PTPN13: variants seen among roughly 807,000 people sequenced by gnomAD.
PTPN13 encodes tyrosine-protein phosphatase non-receptor type 13.
A neutral mutation model predicts 284.0 loss-of-function variants in PTPN13; 191 were observed. The ratio of observed to expected loss-of-function variants is 0.67; its 90% CI spans 0.60 to 0.76. The LOEUF (loss-of-function observed/expected upper bound fraction) is 0.76, where lower values mean the gene tolerates loss of function less well. Among genes scored for constraint, PTPN13 ranks in the 30% least tolerant of loss-of-function variants. The pLI is 0.00. For missense variants in PTPN13, 2,797 were observed against 2,939.9 expected, an observed-to-expected ratio of 0.95 and a Z score of 1.12; for synonymous variants, 986 against 1,022.3, an observed-to-expected ratio of 0.96 and a Z score of 0.68.
chr4:86,663,723 A>G (rs1441805439), intron 2 of PTPN13, among the ~76,000 whole-genome samples: 1 of 152,190 alleles, frequency 6.6e-6, no homozygotes, highest in Non-Finnish European at 1.5e-5. Context: ...GAGAAGAGCT[A>G]TTTAGGTCTC....
intron 40 of PTPN13, among the ~76,000 whole-genome samples, chr4:86,787,748 G>A (rs1742157852): frequency 6.6e-6 from 1 of 151,938 alleles, no homozygotes; most frequent in Non-Finnish European, 1.5e-5. Context: ...TTATCACATG[G>A]TTCTGAATTT....
At chr4:86,706,590 A>G (rs1460361052) in intron 7 of PTPN13, among the ~76,000 whole-genome samples, 1 of 152,176 alleles carries the variant, frequency 6.6e-6, no homozygotes, top group Non-Finnish European at 1.5e-5. Context: ...AGCTAATCCT[A>G]TGACTGACCA....
intron 2 of PTPN13, among the ~76,000 whole-genome samples, chr4:86,637,030 A>G (rs1034455996): frequency 7.2e-5 from 11 of 152,320 alleles, no homozygotes; most frequent in Admixed American, 5.2e-4. Context: ...ACAAACTACC[A>G]TCAGAGAATA....
chr4:86,610,248 T>C (rs1765148177), intron 1 of PTPN13, among the ~76,000 whole-genome samples: 1 of 152,104 alleles, frequency 6.6e-6, no homozygotes, highest in Admixed American at 6.5e-5. Context: ...TTTGGAATAC[T>C]TCCTGCAGCC....
chr4:86,771,908 A>C (rs1322428655), intron 31 of PTPN13, among the ~76,000 whole-genome samples: 1 of 152,236 alleles, frequency 6.6e-6, no homozygotes, highest in Non-Finnish European at 1.5e-5. Context: ...AGAGTTTGCA[A>C]AAGGTAAGAC....
intron 2 of PTPN13, among the ~76,000 whole-genome samples, chr4:86,648,831 A>T (rs1724746788): frequency 6.6e-6 from 1 of 152,074 alleles, no homozygotes; most frequent in South Asian, 2.1e-4. Context: ...GGCTGTAGTA[A>T]TTTACATTCC....
At chr4:86,774,936 A>G (rs930759849) in intron 33 of PTPN13, among the ~76,000 whole-genome samples, 2 of 152,074 alleles carry the variant, frequency 1.3e-5, no homozygotes, top group Admixed American at 1.3e-4. Context: ...TAGATTAGCA[A>G]AATAATGATG....
intron 23 of PTPN13, among the ~76,000 whole-genome samples, chr4:86,760,720 T>A (rs1412233173): frequency 6.6e-6 from 1 of 152,120 alleles, no homozygotes; most frequent in Non-Finnish European, 1.5e-5. Context: ...CAGCAGAGTT[T>A]TGTGTGGTTT....
At chr4:86,764,553 G>T in intron 24 of PTPN13, 40 bp from the exon 25 acceptor site, 1 of 1,322,086 alleles carries the variant, frequency 7.6e-7, no homozygotes, top group Non-Finnish European at 9.9e-7. Flanking sequence ...AATTCATTTT[G>T]ACTCTAACAA....
chr4:86,652,995 G>GT (rs987548779), intron 2 of PTPN13, among the ~76,000 whole-genome samples: 28 of 151,712 alleles, frequency 1.8e-4, no homozygotes, highest in Non-Finnish European at 3.2e-4. Flanking sequence ...GAGCTCATCA[G>GT]TTTTTCCTTC....
In PTPN13 at chr4:86,708,366, T is replaced by A. The variant is rs1457361076; in HGVS notation, c.1195+6565T>A. Among the ~76,000 whole-genome samples, 3 of 151,532 alleles carry A rather than the reference T, an allele frequency of 2.0e-5. No individual in the cohort carries two copies. The East Asian group carries it at 5.8e-4, about 29-fold the overall frequency. On this transcript the variant is annotated intron_variant, in intron 7 of 47. Transcript: ENST00000411767. ...GTAAGAATACAACTGAGAATGTATA[T>A]TTACTTCTCTTCTTTCGGTTTATCC... is the stretch of plus-strand genomic sequence containing the variant.
chr4:86,798,408 T>G (rs537171915), intron 41 of PTPN13, among the ~76,000 whole-genome samples: 1 of 152,368 alleles, frequency 6.6e-6, no homozygotes, highest in African/African-American at 2.4e-5. Context: ...TTAGTCCATG[T>G]CCTGGTGTAT....
chr4:86,720,343 A>G (rs997264972), intron 9 of PTPN13, among the ~76,000 whole-genome samples: 2 of 152,116 alleles, frequency 1.3e-5, no homozygotes, highest in Non-Finnish European at 2.9e-5. Context: ...TATTCAAGGA[A>G]ACATTAAGGC....
rs60359168 is a variant in PTPN13, at chr4:86,751,716, C to T, written c.3166+592C>T. On this transcript the variant is annotated intron_variant, in intron 19 of 47. Coordinates refer to ENST00000411767, the MANE Select transcript of PTPN13 (RefSeq NM_080683.3). ...CCTTTTTTGGCTTTTCCTTTCAAGC[C>T]GATGTGAATGAACTCTGGTAATGCT... Among the ~76,000 whole-genome samples, 21 of 152,068 alleles carry T rather than the reference C, an allele frequency of 1.4e-4. No homozygotes were observed. The South Asian group carries it at 3.3e-3, about 24-fold the overall frequency.
chr4:86,760,844 A>C (rs111817094), intron 23 of PTPN13, among the ~76,000 whole-genome samples: 1 of 152,092 alleles, frequency 6.6e-6, no homozygotes, highest in African/African-American at 2.4e-5. Flanking sequence ...ACTATTCTGT[A>C]GTGTCACTTT....
At chr4:86,676,738 T>C (rs1728315854) in intron 3 of PTPN13, among the ~76,000 whole-genome samples, 1 of 152,198 alleles carries the variant, frequency 6.6e-6, no homozygotes, top group African/African-American at 2.4e-5. Flanking sequence ...GAAGACATTA[T>C]GTTAAGTGAA....
intron 2 of PTPN13, among the ~76,000 whole-genome samples, chr4:86,665,105 C>T (rs374118047): frequency 2.6e-5 from 4 of 152,222 alleles, no homozygotes; most frequent in African/African-American, 9.6e-5. Flanking sequence ...TGCCAAGTAG[C>T]ATAGTTCTGG....
At chr4:86,760,330 G>A (rs1432715538) in intron 23 of PTPN13, among the ~76,000 whole-genome samples, 1 of 152,124 alleles carries the variant, frequency 6.6e-6, no homozygotes, top group African/African-American at 2.4e-5. Context: ...GTTTAAAGCA[G>A]CCAAGACTAG....
intron 43 of PTPN13, 93 bp from the exon 44 acceptor site, chr4:86,805,186 C>A: frequency 1.4e-6 from 1 of 697,694 alleles, no homozygotes; most frequent in Non-Finnish European, 2.4e-6. Flanking sequence ...CAGCCTTAAT[C>A]AACCAATTTT....
Sources: gnomAD v4.1 joint callset for allele counts (sites outside exome capture counted in the v4.1 genomes callset) on GRCh38, gnomAD v4.1.1 for gene constraint, MANE v1.5 for transcripts, NCBI Gene and HGNC (gene_info 2026-07-23, HGNC 2026-07-21) for gene names.